SEC13: variants seen among roughly 807,000 people sequenced by gnomAD.
SEC13 encodes the protein SEC13 homolog, nuclear pore and COPII component.
SEC13 carries 25 observed loss-of-function variants against 49.2 expected under a neutral mutation model. That is an observed-to-expected ratio of 0.51 (90% CI 0.37 to 0.71). SEC13 has a LOEUF of 0.71. SEC13 is among the 30% of genes least tolerant of loss of function. The pLI is 0.00. For synonymous variants in SEC13, 148 were observed against 163.9 expected (o/e 0.90, Z 0.74); for missense variants, 383 against 417.6 (o/e 0.92, Z 0.72).
chr3:10,315,200 C>T (rs1005348441), intron 3 of SEC13, 121 bp downstream of exon 3: 49 of 713,614 alleles, frequency 6.9e-5, no homozygotes, highest in Admixed American at 1.0e-4. Context: ...GCGTCCTCTC[C>T]GCTAAATGTG....
At chr3:10,301,622 G>A (rs1700523649) in intron 8 of SEC13, among the ~76,000 whole-genome samples, 1 of 151,824 alleles carries the variant, frequency 6.6e-6, no homozygotes, top group African/African-American at 2.4e-5. Context: ...TCAGCAAACT[G>A]TGACAGAGCT....
At chr3:10,311,218 G>A (rs1456277116) in intron 5 of SEC13, among the ~76,000 whole-genome samples, 1 of 152,108 alleles carries the variant, frequency 6.6e-6, no homozygotes, top group East Asian at 1.9e-4. Flanking sequence ...GTGCTCCTCT[G>A]GTGGAATGGT....
rs780679710 is a variant in SEC13, at chr3:10,305,143, C to T, written c.598G>A (p.Gly200Ser). Residue 200 changes from glycine (G) to serine (S), a missense_variant, in exon 7 of 9, where the codon GGC becomes AGC. Coordinates refer to ENST00000350697, the MANE Select transcript of SEC13 (RefSeq NM_183352.3). ...LIKLWKEEED[G>S]QWKEEQKLEA... is the part of the protein sequence containing the mutation. ...AGCTTCTGCTCCTCCTTCCACTGGC[C>T]GTCCTCCTCCTCCCTAACAGTGGGG... 1.2e-5 allele frequency: 20 copies of T among 1,612,512 alleles called. No homozygotes were observed. Among genetic ancestry groups the T allele is most frequent in the Middle Eastern group, 1.7e-4 (1 of 6,050 alleles).
At chr3:10,319,113 T>C in intron 1 of SEC13, 1 of 1,582,566 alleles carries the variant, frequency 6.3e-7, no homozygotes, top group Non-Finnish European at 8.6e-7. Flanking sequence ...TAAAAGAAGT[T>C]TCAGTGTGGA....
In SEC13 at chr3:10,318,970, C is replaced by G. The variant is rs117690246; in HGVS notation, c.4-876G>C. On this transcript the variant is annotated intron_variant, in intron 1 of 8. Coordinates refer to ENST00000350697, the MANE Select transcript of SEC13 (RefSeq NM_183352.3). ...CAGTTTCAAATCCCCTCAAATCATC[C>G]AGCACAGTGCTTTGCAAATAGAAGG... is the stretch of plus-strand genomic sequence containing the variant. 2.3e-3 allele frequency among the ~76,000 whole-genome samples: 346 copies of G among 152,358 alleles called. 11 individuals carry two copies. The South Asian group carries it at 0.04, about 18-fold the overall frequency.
At chr3:10,307,216 T>C (rs1440802675) in intron 5 of SEC13, among the ~76,000 whole-genome samples, 1 of 151,070 alleles carries the variant, frequency 6.6e-6, no homozygotes, top group Non-Finnish European at 1.5e-5. Context: ...CACTGCCTTT[T>C]TTTTTTTTTT....
At chr3:10,314,656 G>A (rs769762361) in intron 3 of SEC13, among the ~76,000 whole-genome samples, 28 of 152,182 alleles carry the variant, frequency 1.8e-4, no homozygotes, top group Non-Finnish European at 3.4e-4. Flanking sequence ...CCACAAATAC[G>A]TGAAAGGCAG....
intron 4 of SEC13, among the ~76,000 whole-genome samples, 179 bp from the exon 5 acceptor site, chr3:10,312,277 G>A (rs1701321978): frequency 6.6e-6 from 1 of 152,186 alleles, no homozygotes; most frequent in Non-Finnish European, 1.5e-5. Flanking sequence ...CTAATACCAC[G>A]ATTTCATAAC....
intron 6 of SEC13, 164 bp from the exon 7 acceptor site, chr3:10,305,320 A>C (rs1574865783): frequency 1.6e-6 from 2 of 1,220,592 alleles, no homozygotes; most frequent in Non-Finnish European, 1.1e-6. Context: ...TGTAAAAAAA[A>C]CCCTCCAGAA....
Position 10,304,155 on chromosome 3 carries a change from A to C in SEC13, c.726T>G (p.Ile242Met). The change falls in exon 8 of 9, where the codon ATT (isoleucine) becomes ATG (methionine). Residue 242 changes from isoleucine (I) to methionine (M), a missense_variant. Transcript: ENST00000350697. ...ASCSQDGRVF[I>M]WTCDDASSNT... The stretch of plus-strand genomic sequence containing the variant: ...TGCTTGAGGCATCATCACAGGTCCA[A>C]ATGAACACACGACCATCCTAGGAAG... 1.2e-6 allele frequency: 2 copies of C among 1,614,148 alleles called. No individual in the cohort carries two copies. The highest frequency in any genetic ancestry group is 1.7e-6 in the Non-Finnish European group (2 of 1,180,014).
intron 5 of SEC13, 56 bp downstream of exon 5, chr3:10,311,909 C>T: frequency 6.2e-7 from 1 of 1,613,964 alleles, no homozygotes; most frequent in Non-Finnish European, 8.5e-7. Flanking sequence ...GAGGCTGCAG[C>T]AGACACGGGG....
At chr3:10,309,025 A>C (rs888433039) in intron 5 of SEC13, among the ~76,000 whole-genome samples, 2 of 142,616 alleles carry the variant, frequency 1.4e-5, no homozygotes, top group African/African-American at 5.3e-5. Flanking sequence ...GCAACCTCTG[A>C]CTCCCGGGTT....
In SEC13 at chr3:10,304,163, C is replaced by G. The variant is rs1700717309; in HGVS notation, c.718G>C (p.Val240Leu). The G allele has an allele frequency of 6.2e-7, 1 of 1,613,862 alleles. No homozygotes were observed. The highest frequency in any genetic ancestry group is 1.3e-5 in the African/African-American group (1 of 74,900). Reference protein sequence around the residue: ...TIASCSQDGRVFIWTCDDASS... With the variant: ...TIASCSQDGRLFIWTCDDASS... ...GCATCATCACAGGTCCAAATGAACA[C>G]ACGACCATCCTAGGAAGAAACAGGA... Residue 240 changes from valine to leucine, a missense_variant, in exon 8 of 9, where the codon GTG becomes CTG. Transcript: ENST00000350697.
At chr3:10,306,836 G>A (rs1700906896) in intron 5 of SEC13, among the ~76,000 whole-genome samples, 1 of 152,134 alleles carries the variant, frequency 6.6e-6, no homozygotes, top group African/African-American at 2.4e-5. Flanking sequence ...CTTGCCTTCT[G>A]CCATGACTGT....
chr3:10,318,016 A>G (rs764472629), intron 2 of SEC13, 34 bp downstream of exon 2: 1 of 1,515,676 alleles, frequency 6.6e-7, no homozygotes, highest in East Asian at 2.3e-5. Context: ...GCCCATGTCC[A>G]CACCCCTCCA....
At chr3:10,302,173 G>A (rs138338714) in intron 8 of SEC13, among the ~76,000 whole-genome samples, 2,281 of 152,280 alleles carry the variant, frequency 0.015, 64 homozygotes, top group African/African-American at 0.052. Context: ...AGGAGGCGGA[G>A]GTTGCAGTGA....
intron 1 of SEC13, 157 bp downstream of exon 1, chr3:10,320,893 T>C: frequency 7.0e-7 from 1 of 1,437,790 alleles, no homozygotes; most frequent in Non-Finnish European, 9.1e-7. Flanking sequence ...CTCGGAATGG[T>C]CCGCAAGGAC....
At chr3:10,303,942 A>T in intron 8 of SEC13, 84 bp downstream of exon 8, 1 of 1,483,374 alleles carries the variant, frequency 6.7e-7, no homozygotes, top group Non-Finnish European at 9.3e-7. Context: ...CTGCAGTCAG[A>T]TGGGAATGTC....
At chr3:10,310,938 A>C (rs1453944407) in intron 5 of SEC13, among the ~76,000 whole-genome samples, 1 of 152,058 alleles carries the variant, frequency 6.6e-6, no homozygotes. Flanking sequence ...CATTATAGTA[A>C]GTAGGAGAAG....
Sources: gnomAD v4.1 joint callset for allele counts (sites outside exome capture counted in the v4.1 genomes callset) on GRCh38, gnomAD v4.1.1 for gene constraint, MANE v1.5 for transcripts, NCBI Gene and HGNC (gene_info 2026-07-23, HGNC 2026-07-21) for gene names.